USP50: variants seen among roughly 807,000 people sequenced by gnomAD.
USP50 encodes ubiquitin specific peptidase 50.
A neutral mutation model predicts 39.2 loss-of-function variants in USP50; 37 were observed. The ratio of observed to expected loss-of-function variants is 0.94; its 90% confidence interval spans 0.73 to 1.24. The LOEUF (loss-of-function observed/expected upper bound fraction) is 1.24. Ranked by LOEUF, USP50 falls within the 50% of genes most tolerant of loss-of-function variation. USP50 has a pLI of 0.00. For missense variants in USP50, 374 were observed against 398.2 expected, an observed-to-expected ratio of 0.94 and a Z score of 0.52; for synonymous variants, 139 against 144.5, an observed-to-expected ratio of 0.96 and a Z score of 0.27.
downstream of USP50, chr15:50,498,176 T>C (rs1337835400): frequency 1.9e-5 from 3 of 155,922 alleles, no homozygotes; most frequent in Non-Finnish European, 4.2e-5. Context: ...TGAATGACAT[T>C]ATTTTAGTCA....
chr15:50,525,468 G>GCA (rs1555395165), intron 6 of USP50, among the ~76,000 whole-genome samples: 1 of 148,880 alleles, frequency 6.7e-6, no homozygotes, highest in African/African-American at 2.5e-5. Context: ...CACATTTTGT[G>GCA]TGTGTGTGTG....
At chr15:50,497,011 G>GACTA (rs202190406), downstream of USP50, 207 of 1,516,686 alleles carry the variant, frequency 1.4e-4, 2 homozygotes, top group African/African-American at 2.4e-3. Context: ...CCTGCAGAGT[G>GACTA]ACTAACTAAA....
At chr15:50,505,674 AC>A (rs2141344131) in intron 6 of USP50, 1 of 152,328 alleles carries the variant, frequency 6.6e-6, no homozygotes, top group Non-Finnish European at 1.5e-5. Flanking sequence ...AAAATTAAAA[AC>A]CGGCTGGGCA....
intron 5 of USP50, among the ~76,000 whole-genome samples, chr15:50,530,675 G>A (rs1366554650): frequency 6.6e-6 from 1 of 151,936 alleles, no homozygotes; most frequent in Non-Finnish European, 1.5e-5. Flanking sequence ...TTTAAATACC[G>A]CATCCACAAG....
intron 1 of USP50, chr15:50,494,246 T>G: frequency 1.2e-6 from 2 of 1,609,148 alleles, no homozygotes; most frequent in South Asian, 1.1e-5. Flanking sequence ...TTGCTTCTGT[T>G]CCTAATGGAT....
chr15:50,517,187 G>T (rs2052810323), intron 6 of USP50, among the ~76,000 whole-genome samples: 1 of 152,078 alleles, frequency 6.6e-6, no homozygotes, highest in Non-Finnish European at 1.5e-5. Context: ...AATGTAAGCG[G>T]AGGCCAGGTG....
intron 1 of USP50, 81 bp from the exon 2 acceptor site, chr15:50,544,862 T>C (rs915546060): frequency 2.5e-5 from 33 of 1,343,016 alleles, no homozygotes; most frequent in Non-Finnish European, 3.2e-5. Flanking sequence ...CTTAATATTA[T>C]GAAATAAAGA....
At chr15:50,538,353 A>G (rs545332882) in intron 5 of USP50, among the ~76,000 whole-genome samples, 1 of 151,950 alleles carries the variant, frequency 6.6e-6, no homozygotes, top group Admixed American at 6.6e-5. Flanking sequence ...AAAATACGCC[A>G]AAGACTTTAA....
intron 1 of USP50, 129 bp from the exon 2 acceptor site, chr15:50,544,910 A>T (rs967890804): frequency 4.4e-6 from 4 of 903,930 alleles, no homozygotes; most frequent in South Asian, 1.9e-5. Context: ...CACATTCCCT[A>T]CCAAGGACAG....
intron 5 of USP50, among the ~76,000 whole-genome samples, chr15:50,538,307 A>G (rs552289735): frequency 0.019 from 2,826 of 149,480 alleles, 47 homozygotes; most frequent in Non-Finnish European, 0.029. Flanking sequence ...AAAAGACAGA[A>G]AAAGAAAAGA....
At chr15:50,510,944 T>C (rs1479839805) in intron 6 of USP50, 1 of 151,778 alleles carries the variant, frequency 6.6e-6, no homozygotes, top group African/African-American at 2.4e-5. Flanking sequence ...GCCCGGCTAA[T>C]TTTTTTTGTA....
intron 6 of USP50, among the ~76,000 whole-genome samples, chr15:50,518,363 G>A (rs1037004219): frequency 4.2e-5 from 6 of 143,490 alleles, no homozygotes; most frequent in African/African-American, 1.5e-4. Flanking sequence ...TGGGGCTACA[G>A]GCACCCACCA....
intron 6 of USP50, chr15:50,509,285 C>G (rs1215221954): frequency 2.0e-5 from 3 of 152,190 alleles, no homozygotes; most frequent in Non-Finnish European, 4.4e-5. Flanking sequence ...CCACTGCACT[C>G]CAGCCTGGGA....
chr15:50,494,299 C>G, intron 1 of USP50: 1 of 1,582,932 alleles, frequency 6.3e-7, no homozygotes, highest in Non-Finnish European at 8.6e-7. Context: ...TTTGATTTTT[C>G]TAAGTTGCAG....
intron 3 of USP50, among the ~76,000 whole-genome samples, chr15:50,542,969 T>G (rs1003773034): frequency 3.3e-5 from 5 of 152,160 alleles, no homozygotes; most frequent in African/African-American, 1.2e-4. Flanking sequence ...AGAATGTGGG[T>G]CTCAGACCAA....
At chr15:50,500,538 G>C (rs1322205045), downstream of USP50, 4 of 452,840 alleles carry the variant, frequency 8.8e-6, no homozygotes, top group Non-Finnish European at 1.6e-5. Context: ...TGCCCACAAG[G>C]CATAAAAATG....
intron 5 of USP50, 37 bp downstream of exon 5, chr15:50,538,672 C>T (rs185842461): frequency 2.2e-5 from 34 of 1,536,446 alleles, no homozygotes; most frequent in African/African-American, 5.5e-5. Context: ...TAAGGCTGTT[C>T]GAAAATATGT....
At position 50,538,807 on chromosome 15, in the gene USP50, G is replaced by A. The variant is rs912609165; in HGVS notation, c.705C>T (p.Asn235=). The A allele has an allele frequency of 1.2e-6, 2 of 1,613,438 alleles. No homozygotes were observed. The highest frequency in any genetic ancestry group is 1.1e-5 in the South Asian group (1 of 90,942). ...CACAAAAGGAGCAGTGAATTTCGTTGTTCCAGGTCAGTGCGTCTTGTTGAA... is the reference window on the plus strand; with the variant it reads ...CACAAAAGGAGCAGTGAATTTCGTTATTCCAGGTCAGTGCGTCTTGTTGAA... ...CFFQQDALTW[N]NEIHCSFCET... The change falls in exon 5 of 7, where the codon AAC becomes AAT. Residue 235 remains asparagine, a synonymous_variant. Transcript: ENST00000532404.
downstream of USP50, chr15:50,493,115 G>A: frequency 3.1e-6 from 2 of 653,908 alleles, no homozygotes; most frequent in Non-Finnish European, 2.8e-6. Flanking sequence ...CTTTTTTGCT[G>A]CATCCTCACA....
Sources: allele counts gnomAD v4.1 joint callset (sites outside exome capture counted in the v4.1 genomes callset), GRCh38; gene constraint gnomAD v4.1.1; transcripts MANE v1.5; gene names NCBI Gene and HGNC (gene_info 2026-07-23, HGNC 2026-07-21).